Variants in NUMB observed in about 807,000 individuals in gnomAD.
The protein encoded by NUMB is protein numb homolog.
In NUMB, 29 loss-of-function variants were observed where a neutral mutation model predicts 59.7. The observed-to-expected ratio is 0.49, with a 90% CI of 0.36 to 0.66. The LOEUF is 0.66. Among genes scored for constraint, NUMB ranks in the 30% least tolerant of loss-of-function variants. The probability of loss-of-function intolerance (pLI) is 0.00; values close to 1 mark genes in which losing one functional copy is unlikely to be tolerated. For missense variants in NUMB, 723 were observed against 822.0 expected (o/e 0.88, Z 1.47); for synonymous variants, 288 against 288.2 (o/e 1.00, Z 0.01).
At chr14:73,438,769 A>G (rs1399510816) in intron 1 of NUMB, among the ~76,000 whole-genome samples, 1 of 152,160 alleles carries the variant, frequency 6.6e-6, no homozygotes, top group Non-Finnish European at 1.5e-5. Flanking sequence ...GAAACAGACA[A>G]TAAATGTTAA....
intron 2 of NUMB, among the ~76,000 whole-genome samples, chr14:73,374,906 C>T (rs1303767829): frequency 6.6e-6 from 1 of 151,416 alleles, no homozygotes; most frequent in South Asian, 2.1e-4. Context: ...TTTTTAGTAG[C>T]GATGATGTTT....
intron 6 of NUMB, among the ~76,000 whole-genome samples, chr14:73,302,801 A>T (rs1158816843): frequency 6.6e-6 from 1 of 152,184 alleles, no homozygotes; most frequent in Non-Finnish European, 1.5e-5. Flanking sequence ...GAAGATAAAC[A>T]TGGCTGAGAG....
chr14:73,367,594 G>A (rs1321618471), intron 2 of NUMB, among the ~76,000 whole-genome samples: 2 of 151,344 alleles, frequency 1.3e-5, no homozygotes, highest in Non-Finnish European at 2.9e-5. Flanking sequence ...AGCAACATAG[G>A]GAAACCTCGC....
chr14:73,406,270 G>C (rs1896671041), intron 2 of NUMB, among the ~76,000 whole-genome samples: 1 of 128,434 alleles, frequency 7.8e-6, no homozygotes, highest in Non-Finnish European at 1.6e-5. Context: ...ACAGGCCCCG[G>C]TGTGTGATGT....
chr14:73,330,557 C>T (rs1318601704), intron 4 of NUMB, among the ~76,000 whole-genome samples: 1 of 152,138 alleles, frequency 6.6e-6, no homozygotes, highest in African/African-American at 2.4e-5. Context: ...TTGTCTGTGT[C>T]TCAATTTCCT....
At chr14:73,443,449 GCCAGGCGTGGTGGCGCACGCCTGTAAT>G (rs1883219730) in intron 1 of NUMB, among the ~76,000 whole-genome samples, 3 of 151,988 alleles carry the variant, frequency 2.0e-5, no homozygotes, top group Admixed American at 1.3e-4. Flanking sequence ...TACAAAATTA[GCCAGGCGTGGTGGCGCACGCCTGTAAT>G]CCCAGCTAAT....
At chr14:73,333,901 G>C (rs1005632224) in intron 4 of NUMB, among the ~76,000 whole-genome samples, 2 of 150,224 alleles carry the variant, frequency 1.3e-5, no homozygotes, top group African/African-American at 4.9e-5. Context: ...GTCTTGCTCT[G>C]TTGCCCAGGC....
chr14:73,296,356 G>A (rs542127081), intron 7 of NUMB, among the ~76,000 whole-genome samples: 8 of 151,488 alleles, frequency 5.3e-5, no homozygotes, highest in African/African-American at 1.9e-4. Flanking sequence ...CAGGAGAATC[G>A]TTTGAACCCA....
chr14:73,402,577 CCAAA>C (rs1405644393), intron 2 of NUMB, among the ~76,000 whole-genome samples: 1 of 152,162 alleles, frequency 6.6e-6, no homozygotes, highest in African/African-American at 2.4e-5. Flanking sequence ...TGTCCACATA[CCAAA>C]CAATTATAAT....
rs143837623 is a variant in NUMB at position 73,379,244 on chromosome 14, G to A, written c.-100-12263C>T. 3.5e-3 allele frequency among the ~76,000 whole-genome samples: 536 copies of A among 152,112 alleles called. 13 individuals are homozygous for A. The highest frequency in any genetic ancestry group is 0.031 in the Admixed American group (471 of 15,282). ...CTAGTACTTCCTCCTCCTTCATCAGGGGAAAGCACGTAAGTGTTGCTTTTT... is the reference window on the plus strand; with the variant it reads ...CTAGTACTTCCTCCTCCTTCATCAGAGGAAAGCACGTAAGTGTTGCTTTTT... On this transcript the variant is annotated intron_variant, in intron 2 of 12. Coordinates refer to ENST00000555238, the MANE Select transcript of NUMB (RefSeq NM_001005743.2).
At chr14:73,421,442 G>C (rs1897343617) in intron 1 of NUMB, among the ~76,000 whole-genome samples, 2 of 152,020 alleles carry the variant, frequency 1.3e-5, no homozygotes, top group Non-Finnish European at 2.9e-5. Context: ...GCCTCCCAAA[G>C]TGCTGAAATT....
In NUMB at chr14:73,278,475, A is replaced by G. The variant is rs562470884; in HGVS notation, c.1240+806T>C. 1.4e-4 allele frequency among the ~76,000 whole-genome samples: 21 copies of G among 152,094 alleles called. No homozygotes were observed. The South Asian group carries it at 1.5e-3, about 11-fold the overall frequency. On this transcript the variant is annotated intron_variant, in intron 12 of 12. Coordinates refer to ENST00000555238, the MANE Select transcript of NUMB (RefSeq NM_001005743.2). ...ATGGAGGTTGCAGTGAGCCAAGATCATGCCACTGCATTCCAGCCTGGGTGA... is the reference window on the plus strand; with the variant it reads ...ATGGAGGTTGCAGTGAGCCAAGATCGTGCCACTGCATTCCAGCCTGGGTGA...
chr14:73,404,178 G>T (rs935965212), intron 2 of NUMB, among the ~76,000 whole-genome samples: 1 of 151,836 alleles, frequency 6.6e-6, no homozygotes, highest in African/African-American at 2.4e-5. Flanking sequence ...GGAGGCAGAG[G>T]TTGCAATGAG....
chr14:73,323,823 T>G (rs1891527469), intron 4 of NUMB, among the ~76,000 whole-genome samples: 1 of 152,192 alleles, frequency 6.6e-6, no homozygotes, highest in Admixed American at 6.5e-5. Context: ...GAAAGACTAT[T>G]TCAGGCTGAG....
chr14:73,284,582 T>G (rs1250040803), intron 9 of NUMB: 3 of 455,240 alleles, frequency 6.6e-6, no homozygotes, highest in Non-Finnish European at 7.8e-6. Flanking sequence ...GCATATCTAC[T>G]AAGACAGAAA....
At chr14:73,397,029 C>G (rs959378419) in intron 2 of NUMB, among the ~76,000 whole-genome samples, 1 of 152,112 alleles carries the variant, frequency 6.6e-6, no homozygotes, top group Non-Finnish European at 1.5e-5. Context: ...GAGGCTAAGA[C>G]AGGAGAAACA....
chr14:73,427,018 T>G (rs1897612574), intron 1 of NUMB, among the ~76,000 whole-genome samples: 1 of 151,920 alleles, frequency 6.6e-6, no homozygotes, highest in Non-Finnish European at 1.5e-5. Context: ...GACTCTTACA[T>G]TTAAAAAAAT....
chr14:73,422,433 G>A (rs1897389808), intron 1 of NUMB, among the ~76,000 whole-genome samples: 1 of 152,160 alleles, frequency 6.6e-6, no homozygotes, highest in Non-Finnish European at 1.5e-5. Context: ...GACACCATGA[G>A]TTGAATAGGA....
At chr14:73,434,261 T>C (rs1312558990) in intron 1 of NUMB, among the ~76,000 whole-genome samples, 1 of 152,186 alleles carries the variant, frequency 6.6e-6, no homozygotes, top group Non-Finnish European at 1.5e-5. Context: ...TTCTACCACT[T>C]ACTCTATGAT....
Sources: gnomAD v4.1 joint callset for allele counts (sites outside exome capture counted in the v4.1 genomes callset) on GRCh38, gnomAD v4.1.1 for gene constraint, MANE v1.5 for transcripts, NCBI Gene and HGNC (gene_info 2026-07-23, HGNC 2026-07-21) for gene names.